Variants in CLEC4F observed in about 807,000 individuals in gnomAD.
CLEC4F encodes C-type (calcium dependent, carbohydrate-recognition domain) lectin, superfamily member 13.
In CLEC4F, 45 loss-of-function variants were observed where a neutral mutation model predicts 53.4. The ratio of observed to expected loss-of-function variants is 0.84; its 90% confidence interval spans 0.66 to 1.08. The LOEUF (loss-of-function observed/expected upper bound fraction) is 1.08, where lower values mean the gene tolerates loss of function less well. Among genes scored for constraint, CLEC4F ranks in the 50% least tolerant of loss-of-function variants. CLEC4F has a pLI of 0.00. For synonymous variants in CLEC4F, 245 were observed against 257.5 expected (o/e 0.95, Z 0.46); for missense variants, 753 against 698.2 (o/e 1.08, Z -0.88).
Position 70,816,399 on chromosome 2 carries a change from C to T in CLEC4F, c.982G>A (p.Gly328Ser). 1 of 1,613,786 alleles carries T rather than the reference C, an allele frequency of 6.2e-7. No homozygotes were observed. The highest frequency in any genetic ancestry group is 8.5e-7 in the Non-Finnish European group (1 of 1,179,936). Reference protein sequence around the residue: ...QFLRGHLERAGDEIHVLKRDL... With the variant: ...QFLRGHLERASDEIHVLKRDL... ...CTTTTTAACACGTGAATTTCATCAC[C>T]AGCTCTTTCCAAATGACCTCTTAAG... Residue 328 changes from glycine to serine, a missense_variant, in exon 4 of 7, where the codon GGT becomes AGT. By Grantham distance (56) the Gly-to-Ser change is moderately conservative. Coordinates refer to ENST00000272367, the MANE Select transcript of CLEC4F (RefSeq NM_173535.3).
At chr2:70,818,494 G>A (rs1384116024) in intron 3 of CLEC4F, among the ~76,000 whole-genome samples, 3 of 152,036 alleles carry the variant, frequency 2.0e-5, no homozygotes, top group Non-Finnish European at 4.4e-5. Context: ...GGCAGATCAC[G>A]AGGTCAGGGG....
chr2:70,824,448 G>T (rs1677297392), upstream of CLEC4F, among the ~76,000 whole-genome samples: 3 of 151,798 alleles, frequency 2.0e-5, no homozygotes, highest in Non-Finnish European at 4.4e-5. Flanking sequence ...AGGCAATGAT[G>T]TTCAAATAGC....
At chr2:70,815,956 T>C (rs1553395645) in intron 4 of CLEC4F, 38 bp downstream of exon 4, 3 of 1,581,842 alleles carry the variant, frequency 1.9e-6, no homozygotes, top group South Asian at 2.4e-5. Flanking sequence ...CTCAAGAGAC[T>C]GTGCCCTCCC....
intron 5 of CLEC4F, among the ~76,000 whole-genome samples, chr2:70,810,134 C>A (rs115865480): frequency 1.1e-3 from 147 of 136,926 alleles, no homozygotes; most frequent in Non-Finnish European, 1.5e-3. Flanking sequence ...CTCAAGCTCT[C>A]ACTCTTTTTT....
At chr2:70,813,619 C>CTTTCTTTCTTTCTTTCTTTCTT (rs1558612656) in intron 4 of CLEC4F, among the ~76,000 whole-genome samples, 2 of 109,872 alleles carry the variant, frequency 1.8e-5, no homozygotes, top group Non-Finnish European at 3.9e-5. Flanking sequence ...TTCTTTCTTT[C>CTTTCTTTCTTTCTTTCTTTCTT]TTTCTTTCTT....
chr2:70,824,586 C>T (rs1677300978), upstream of CLEC4F, among the ~76,000 whole-genome samples: 1 of 103,392 alleles, frequency 9.7e-6, no homozygotes, highest in African/African-American at 3.7e-5. Context: ...CCTGGAGCAT[C>T]TTGTAGTACC....
chr2:70,819,207 A>G, intron 3 of CLEC4F, 148 bp downstream of exon 3: 1 of 646,778 alleles, frequency 1.5e-6, no homozygotes, highest in Non-Finnish European at 2.8e-6. Flanking sequence ...CCTCAATAAA[A>G]CTGTGTTTTT....
chr2:70,810,289 T>C (rs1417425361), intron 5 of CLEC4F, among the ~76,000 whole-genome samples: 1 of 152,164 alleles, frequency 6.6e-6, no homozygotes, highest in East Asian at 1.9e-4. Flanking sequence ...AGTGCCACAC[T>C]GATGAATATA....
At chr2:70,819,924 G>A in intron 1 of CLEC4F, 33 bp from the exon 2 acceptor site, 1 of 1,453,180 alleles carries the variant, frequency 6.9e-7, no homozygotes, top group Non-Finnish European at 9.4e-7. Context: ...CAAGGTGAGA[G>A]GGTGCTGTGC....
upstream of CLEC4F, among the ~76,000 whole-genome samples, chr2:70,824,262 AC>A (rs1677293717): frequency 7.3e-6 from 1 of 136,948 alleles, no homozygotes; most frequent in African/African-American, 2.6e-5. Context: ...ACAATTCAAC[AC>A]ATTTACAGGC....
chr2:70,811,200 G>A, intron 5 of CLEC4F: 1 of 723,728 alleles, frequency 1.4e-6, no homozygotes, highest in Non-Finnish European at 2.5e-6. Context: ...TATCTGGATG[G>A]CATTCACGCT....
intron 5 of CLEC4F, chr2:70,810,979 A>G: frequency 1.7e-6 from 1 of 574,044 alleles, no homozygotes; most frequent in Non-Finnish European, 3.4e-6. Context: ...ATGTGAAAAT[A>G]TTCTGTAAAT....
chr2:70,816,191 A>G lies in CLEC4F; in HGVS notation c.1190T>C (p.Met397Thr), dbSNP rs1676890708. The change falls in exon 4 of 7, where the codon ATG becomes ACG. Residue 397 changes from methionine to threonine, a missense_variant. Physicochemically the swap from Met to Thr is moderately conservative, Grantham distance 81. Transcript: ENST00000272367. ...SREIQTLKQG[M>T]KNASALTSQT... ...GGAAGTTAAGGCTGAAGCATTCTTC[A>G]TTCCTTGTTTTAGGGTCTGTATCTC... 2 of 1,614,180 alleles carry G rather than the reference A, an allele frequency of 1.2e-6. No homozygotes were observed. Among genetic ancestry groups the G allele is most frequent in the Non-Finnish European group, 8.5e-7 (1 of 1,180,028 alleles).
intron 5 of CLEC4F, 40 bp from the exon 6 acceptor site, chr2:70,809,897 G>T: frequency 7.0e-7 from 1 of 1,434,536 alleles, no homozygotes; most frequent in Non-Finnish European, 9.8e-7. Flanking sequence ...CCTGTGTGTG[G>T]GGAGCCAGTT....
chr2:70,813,655 T>TTCTTCCACTCTCTCTCTC (rs1676737636), intron 4 of CLEC4F, among the ~76,000 whole-genome samples: 2 of 75,120 alleles, frequency 2.7e-5, no homozygotes, highest in African/African-American at 1.0e-4. Flanking sequence ...CTCTCTCTCT[T>TTCTTCCACTCTCTCTCTC]TTTCTTCCTT....
chr2:70,808,972 T>C lies in CLEC4F; in HGVS notation c.*299A>G, dbSNP rs1439707415. On this transcript the variant is annotated 3_prime_UTR_variant, in exon 7 of 7. Transcript: ENST00000272367. Reference sequence around the variant, plus strand: ...CATGGGCTTCTTGCACACCCACTGATAGGGGGTGTCACAGGTCATGTCATT... The same window carrying C: ...CATGGGCTTCTTGCACACCCACTGACAGGGGGTGTCACAGGTCATGTCATT... 4.8e-6 allele frequency: 5 copies of C among 1,035,598 alleles called. No individual in the cohort carries two copies. The highest frequency in any genetic ancestry group is 1.6e-5 in the African/African-American group (1 of 63,294). The allele number at this position is 1,035,598 out of a possible 1,614,324, so 64.2% of individuals were successfully genotyped here.
intron 5 of CLEC4F, chr2:70,811,213 A>G: frequency 1.3e-6 from 1 of 770,588 alleles, no homozygotes; most frequent in Non-Finnish European, 2.2e-6. Context: ...TTCACGCTGA[A>G]GTTTGACAGC....
At position 70,809,220 on chromosome 2, in the gene CLEC4F, G is replaced by A. The variant is rs1421828348; in HGVS notation, c.*51C>T. 3 of 1,597,650 alleles carry A rather than the reference G, an allele frequency of 1.9e-6. No homozygotes were observed. In the African/African-American group the frequency reaches 4.0e-5, roughly 21 times the overall value. On this transcript the variant is annotated 3_prime_UTR_variant, in exon 7 of 7. Coordinates refer to ENST00000272367, the MANE Select transcript of CLEC4F (RefSeq NM_173535.3). ...CATCCCCTAGTGGCCCTAGGATGAG[G>A]ACAGGGCTGGGAGAAGGAGTACCCT... is the stretch of plus-strand genomic sequence containing the variant.
upstream of CLEC4F, among the ~76,000 whole-genome samples, chr2:70,821,066 G>T (rs891376926): frequency 1.3e-5 from 2 of 152,096 alleles, no homozygotes; most frequent in South Asian, 2.1e-4. Context: ...ATGTGCGGAG[G>T]TTATATAAAA....
Sources: gnomAD v4.1 joint callset for allele counts (sites outside exome capture counted in the v4.1 genomes callset) on GRCh38, gnomAD v4.1.1 for gene constraint, MANE v1.5 for transcripts, NCBI Gene and HGNC (gene_info 2026-07-23, HGNC 2026-07-21) for gene names.